The following ZZZ3 variants were observed in gnomAD, a reference collection of about 807,000 sequenced individuals.
ZZZ3 encodes zinc finger ZZ-type containing 3, also known as ZZ-type zinc finger-containing protein 3.
Under a neutral mutation model 95.2 loss-of-function variants are expected in ZZZ3, and 22 were observed. The ratio of observed to expected loss-of-function variants is 0.23; its 90% CI spans 0.17 to 0.33. The LOEUF is 0.33. Among genes scored for constraint, ZZZ3 ranks in the 10% least tolerant of loss-of-function variants. The pLI is 1.00. For synonymous variants in ZZZ3, 335 were observed against 358.9 expected (o/e 0.93, Z 0.75); for missense variants, 885 against 1,066.5 (o/e 0.83, Z 2.37).
chr1:77,582,874 G>A (rs150907985), intron 6 of ZZZ3, among the ~76,000 whole-genome samples: 1 of 152,212 alleles, frequency 6.6e-6, no homozygotes, highest in African/African-American at 2.4e-5. Context: ...GGGAAGCCAA[G>A]GCTGGTGGAT....
At chr1:77,599,833 TAA>T (rs555198018) in intron 5 of ZZZ3, among the ~76,000 whole-genome samples, 65 of 152,222 alleles carry the variant, frequency 4.3e-4, no homozygotes, top group African/African-American at 1.5e-3. Context: ...ATCCATAATT[TAA>T]AAGTTTTTAT....
chr1:77,658,364 C>T (rs1670474956), intron 1 of ZZZ3, among the ~76,000 whole-genome samples: 1 of 151,884 alleles, frequency 6.6e-6, no homozygotes, highest in Non-Finnish European at 1.5e-5. Flanking sequence ...TTTTTAGAGA[C>T]AGGGTCTCAC....
At chr1:77,614,300 G>C (rs1033009795) in intron 5 of ZZZ3, among the ~76,000 whole-genome samples, 2 of 152,112 alleles carry the variant, frequency 1.3e-5, no homozygotes, top group African/African-American at 4.8e-5. Context: ...TAATCATAGA[G>C]TAACAAGGCT....
chr1:77,569,371 A>G (rs1183314722), intron 12 of ZZZ3, among the ~76,000 whole-genome samples: 1 of 152,168 alleles, frequency 6.6e-6, no homozygotes, highest in East Asian at 1.9e-4. Flanking sequence ...ATTAAGTTGA[A>G]GTATCCCTTA....
At chr1:77,617,274 C>T (rs1462551465) in intron 5 of ZZZ3, among the ~76,000 whole-genome samples, 2 of 152,182 alleles carry the variant, frequency 1.3e-5, no homozygotes, top group African/African-American at 4.8e-5. Context: ...ATCCTATACA[C>T]ATTATGCAGT....
intron 1 of ZZZ3, among the ~76,000 whole-genome samples, chr1:77,668,312 A>AT (rs1671433628): frequency 6.6e-6 from 1 of 152,164 alleles, no homozygotes; most frequent in Non-Finnish European, 1.5e-5. Flanking sequence ...AAACTCCAAG[A>AT]CAGCATAGAA....
At chr1:77,606,546 G>C (rs145709135) in intron 5 of ZZZ3, among the ~76,000 whole-genome samples, 1 of 152,302 alleles carries the variant, frequency 6.6e-6, no homozygotes, top group East Asian at 1.9e-4. Context: ...TCAGTGCTGT[G>C]CTGCCTTCAA....
chr1:77,648,855 G>T (rs1360678375), intron 1 of ZZZ3, among the ~76,000 whole-genome samples: 1 of 152,140 alleles, frequency 6.6e-6, no homozygotes, highest in Admixed American at 6.6e-5. Context: ...AATAAGCTAG[G>T]CATGGTGGCT....
chr1:77,648,870 G>C (rs564784568), intron 1 of ZZZ3, among the ~76,000 whole-genome samples: 3 of 152,164 alleles, frequency 2.0e-5, no homozygotes, highest in African/African-American at 7.2e-5. Flanking sequence ...GTGGCTCAGT[G>C]CTGTAATCCC....
In ZZZ3 at chr1:77,660,291, T is replaced by C. The variant is rs1319119890; in HGVS notation, c.-402-18636A>G. Among the ~76,000 whole-genome samples the C allele has an allele frequency of 2.6e-5, 4 of 152,178 alleles. No individual in the cohort carries two copies. In the East Asian group the frequency reaches 7.7e-4, roughly 29 times the overall value. ...AAGTGTATGGTTCAGTGTAATCCAA[T>C]ACATTCATAATGCAATCATCACTAC... is the stretch of plus-strand genomic sequence containing the variant. On this transcript the variant is annotated intron_variant, in intron 1 of 14. Transcript: ENST00000370801.
chr1:77,665,252 CA>C (rs1397105338), intron 1 of ZZZ3, among the ~76,000 whole-genome samples: 1 of 152,194 alleles, frequency 6.6e-6, no homozygotes. Flanking sequence ...TTTTTACTGA[CA>C]GTTCATTATG....
intron 1 of ZZZ3, among the ~76,000 whole-genome samples, chr1:77,642,872 A>T (rs1270388265): frequency 6.6e-6 from 1 of 152,232 alleles, no homozygotes; most frequent in Non-Finnish European, 1.5e-5. Flanking sequence ...TTAACAATAG[A>T]GCGATTAAGA....
intron 5 of ZZZ3, among the ~76,000 whole-genome samples, chr1:77,630,007 T>C (rs1667652843): frequency 6.6e-6 from 1 of 152,140 alleles, no homozygotes; most frequent in African/African-American, 2.4e-5. Context: ...CTGTAGTGAA[T>C]TACTAGAAAA....
At chr1:77,647,383 G>A (rs1570600915) in intron 1 of ZZZ3, among the ~76,000 whole-genome samples, 1 of 152,076 alleles carries the variant, frequency 6.6e-6, no homozygotes, top group African/African-American at 2.4e-5. Context: ...GCAGGGCATG[G>A]TGGTGCACAC....
At chr1:77,588,216 G>A (rs1246496228) in intron 5 of ZZZ3, among the ~76,000 whole-genome samples, 1 of 152,104 alleles carries the variant, frequency 6.6e-6, no homozygotes, top group Non-Finnish European at 1.5e-5. Flanking sequence ...GACAAATGTT[G>A]CATTTTAAAT....
intron 5 of ZZZ3, among the ~76,000 whole-genome samples, chr1:77,623,320 T>A (rs553911652): frequency 6.6e-6 from 1 of 152,236 alleles, no homozygotes; most frequent in Non-Finnish European, 1.5e-5. Flanking sequence ...AGACAAACAA[T>A]GCTATCTGCA....
chr1:77,609,268 C>A (rs1487896203), intron 5 of ZZZ3, among the ~76,000 whole-genome samples: 3 of 151,928 alleles, frequency 2.0e-5, no homozygotes, highest in African/African-American at 7.3e-5. Flanking sequence ...GATTTTAAGA[C>A]AAAATCTATA....
At chr1:77,642,929 T>C (rs1385321388) in intron 1 of ZZZ3, among the ~76,000 whole-genome samples, 4 of 152,230 alleles carry the variant, frequency 2.6e-5, no homozygotes, top group East Asian at 1.9e-4. Flanking sequence ...TTTTCAAACA[T>C]TAAAACTATA....
At chr1:77,595,632 T>A (rs1664142786) in intron 5 of ZZZ3, among the ~76,000 whole-genome samples, 1 of 151,998 alleles carries the variant, frequency 6.6e-6, no homozygotes, top group Non-Finnish European at 1.5e-5. Context: ...TATTGTAAAG[T>A]GTACCATTCT....
Sources: allele counts gnomAD v4.1 joint callset (sites outside exome capture counted in the v4.1 genomes callset), GRCh38; gene constraint gnomAD v4.1.1; transcripts MANE v1.5; gene names NCBI Gene and HGNC (gene_info 2026-07-23, HGNC 2026-07-21).